The following DIS3 variants were observed in gnomAD, a reference collection of about 807,000 sequenced individuals.
The protein encoded by DIS3 is DIS3 exosome endoribonuclease and 3'-5' exoribonuclease, also known as exosome complex exonuclease RRP44.
In DIS3, 103 loss-of-function variants were observed where a neutral mutation model predicts 113.0. That is an observed-to-expected ratio of 0.91 (90% confidence interval 0.78 to 1.07). The LOEUF is 1.07. Ranked by LOEUF, DIS3 falls within the 50% of genes least tolerant of loss-of-function variation. DIS3 has a pLI of 0.00. For synonymous variants in DIS3, 402 were observed against 394.3 expected (o/e 1.02, Z -0.23); for missense variants, 1,121 against 1,167.1 (o/e 0.96, Z 0.58).
Position 72,766,052 on chromosome 13 carries a change from C to A in DIS3, c.1890G>T (p.Leu630Phe). 3 of 1,602,756 alleles carry A rather than the reference C, an allele frequency of 1.9e-6. No homozygotes were observed. The South Asian group carries it at 3.4e-5, about 18-fold the overall frequency. The change falls in exon 15 of 21, where the codon TTG (leucine) becomes TTT (phenylalanine). Residue 630 changes from leucine to phenylalanine, a missense_variant. Physicochemically the swap from Leu to Phe is conservative, Grantham distance 22 (BLOSUM62 0). This residue lies in a region of DIS3 where 861 missense variants were observed against 915.5 expected (regional missense o/e 0.94). Coordinates refer to ENST00000377767, the MANE Select transcript of DIS3 (RefSeq NM_014953.5). The part of the protein sequence containing the change: ...LKKRRIEKGA[L>F]TLSSPEVRFH... ...ATCGAACTTCAGGAGAGGATAGAGT[C>A]AAAGCCCTACATAAAAATTAAAGAG...
Position 72,766,015 on chromosome 13 carries a change from T to A in DIS3, c.1927A>T (p.Ser643Cys), listed in dbSNP as rs145504256. ...AGATCTATAGGATCGTGAGTTTCAC[T>A]GTCCATGTGGAATCGAACTTCAGGA... Reference protein sequence around the residue: ...SSPEVRFHMDSETHDPIDLQT... With the variant: ...SSPEVRFHMDCETHDPIDLQT... Residue 643 changes from serine (S) to cysteine (C), a missense_variant, in exon 15 of 21, where the codon AGT becomes TGT. This residue lies in a region of DIS3 where 861 missense variants were observed against 915.5 expected (regional missense o/e 0.94). Coordinates refer to ENST00000377767, the MANE Select transcript of DIS3 (RefSeq NM_014953.5). 5 of 1,611,962 alleles carry A rather than the reference T, an allele frequency of 3.1e-6. No homozygotes were observed. The African/African-American group carries it at 6.7e-5, about 22-fold the overall frequency.
At chr13:72,778,062 TCA>T (rs2034062338) in intron 3 of DIS3, 123 bp downstream of exon 3, 1 of 860,104 alleles carries the variant, frequency 1.2e-6, no homozygotes, top group South Asian at 3.4e-5. Context: ...TACAAAAATA[TCA>T]CATGAAGTTA....
Position 72,777,440 on chromosome 13 carries a change from C to A in DIS3, c.634G>T (p.Ala212Ser), listed in dbSNP as rs757502879. Residue 212 changes from alanine to serine, a missense_variant, in exon 4 of 21, where the codon GCT becomes TCT. Physicochemically the swap from Ala to Ser is moderately conservative, Grantham distance 99. Transcript: ENST00000377767. Reference protein sequence around the residue: ...TANPELIDRLACLSEEGNEIE... With the variant: ...TANPELIDRLSCLSEEGNEIE... ...CATACCCCTTCTTCAGACAAACAAG[C>A]AAGACGATCTATGAGTTCGGGGTTA... The A allele has an allele frequency of 3.7e-6, 6 of 1,614,074 alleles. No homozygotes were observed. The highest frequency in any genetic ancestry group is 1.6e-4 in the Middle Eastern group (1 of 6,062).
intron 2 of DIS3, 123 bp downstream of exon 2, chr13:72,780,723 A>G: frequency 1.0e-6 from 1 of 973,052 alleles, no homozygotes; most frequent in Non-Finnish European, 1.5e-6. Flanking sequence ...CCATGTAAGA[A>G]TTAAATAAGG....
At chr13:72,777,975 G>T (rs529335400) in intron 3 of DIS3, among the ~76,000 whole-genome samples, 4 of 152,268 alleles carry the variant, frequency 2.6e-5, no homozygotes, top group Admixed American at 2.6e-4. Context: ...TGCTAAACCA[G>T]TTGCAAATAG....
intron 5 of DIS3, 28 bp downstream of exon 5, chr13:72,775,897 T>C (rs371774933): frequency 1.3e-6 from 2 of 1,531,666 alleles, no homozygotes; most frequent in African/African-American, 2.8e-5. Flanking sequence ...TTTATTTTAG[T>C]GTATAAGGAA....
At chr13:72,780,628 A>G (rs1034673365) in intron 2 of DIS3, among the ~76,000 whole-genome samples, 2 of 152,166 alleles carry the variant, frequency 1.3e-5, no homozygotes, top group Non-Finnish European at 2.9e-5. Context: ...GTAGTCTAGG[A>G]GTCAGCAGAC....
At chr13:72,775,858 TAA>T in intron 5 of DIS3, 65 bp downstream of exon 5, 1 of 1,283,426 alleles carries the variant, frequency 7.8e-7, no homozygotes, top group Non-Finnish European at 1.1e-6. Context: ...TATTTACCAT[TAA>T]GTGTTCATAA....
chr13:72,775,681 A>G (rs182940749), intron 5 of DIS3, among the ~76,000 whole-genome samples: 1 of 152,286 alleles, frequency 6.6e-6, no homozygotes, highest in African/African-American at 2.4e-5. Flanking sequence ...GATTGGTCAA[A>G]TAAGAGTACA....
At chr13:72,777,905 C>G (rs150188418) in intron 3 of DIS3, among the ~76,000 whole-genome samples, 2 of 152,246 alleles carry the variant, frequency 1.3e-5, no homozygotes, top group East Asian at 3.9e-4. Flanking sequence ...ACCCAAAAAT[C>G]TGTTGATGTG....
intron 11 of DIS3, 74 bp from the exon 12 acceptor site, chr13:72,771,219 T>C: frequency 8.6e-7 from 1 of 1,160,366 alleles, no homozygotes; most frequent in Non-Finnish European, 1.3e-6. Flanking sequence ...TATTCTCAAA[T>C]AACATTAATT....
chr13:72,775,986 C>A lies in DIS3; in HGVS notation c.761G>T (p.Ser254Ile). The A allele has an allele frequency of 1.2e-6, 2 of 1,611,506 alleles. No homozygotes were observed. Among genetic ancestry groups the A allele is most frequent in the South Asian group, 2.2e-5 (2 of 90,346 alleles). ...TGTAGCTTCCAAGTAATTTTCCCTGCTAGCTCTAAATGTTCCTTGAAGGTA... is the reference window on the plus strand; with the variant it reads ...TGTAGCTTCCAAGTAATTTTCCCTGATAGCTCTAAATGTTCCTTGAAGGTA... The part of the protein sequence containing the change: ...GTYLQGTFRA[S>I]RENYLEATVW... Residue 254 changes from serine to isoleucine, a missense_variant, in exon 5 of 21, where the codon AGC becomes ATC. Coordinates refer to ENST00000377767, the MANE Select transcript of DIS3 (RefSeq NM_014953.5).
At chr13:72,764,769 TAGAA>T (rs1466078010) in intron 15 of DIS3, among the ~76,000 whole-genome samples, 1 of 152,194 alleles carries the variant, frequency 6.6e-6, no homozygotes, top group Non-Finnish European at 1.5e-5. Flanking sequence ...TTAAAAATAT[TAGAA>T]AGACCTCCAA....
chr13:72,760,461 G>A (rs761265345), intron 20 of DIS3, 68 bp downstream of exon 20: 25 of 1,588,360 alleles, frequency 1.6e-5, no homozygotes, highest in Middle Eastern at 1.7e-4. Flanking sequence ...AAATAACTAC[G>A]TCCCTTCTTT....
chr13:72,781,399 T>C, intron 1 of DIS3: 1 of 1,538,710 alleles, frequency 6.5e-7, no homozygotes. Flanking sequence ...ATAACGTGTC[T>C]GAACTACGAC....
Position 72,780,929 on chromosome 13 carries a change from G to T in DIS3, c.303C>A (p.Arg101=). 3 of 1,613,278 alleles carry T rather than the reference G, an allele frequency of 1.9e-6. No individual in the cohort carries two copies. The highest frequency in any genetic ancestry group is 2.5e-6 in the Non-Finnish European group (3 of 1,179,816). ...LQTVLQEVRN[R]SAPVYKRIRD... is the part of the protein sequence containing the mutation. ...GGATGCGTTTATATACGGGGGCACT[G>T]CGATTTCTCACTTCTTGAAGAACTG... The change falls in exon 2 of 21, where the codon CGC becomes CGA. Residue 101 remains arginine, a synonymous_variant. Coordinates refer to ENST00000377767, the MANE Select transcript of DIS3 (RefSeq NM_014953.5).
At position 72,763,563 on chromosome 13, in the gene DIS3, A is replaced by C; in HGVS notation, c.2015T>G (p.Ile672Ser). ...CTCATGAATTTTTTTTGCAACAGAA[A>C]TATTGGCAAGTAACATAAATTCTTC... ...MVEEFMLLAN[I>S]SVAKKIHEEF... The change falls in exon 16 of 21, where the codon ATT becomes AGT. Residue 672 changes from isoleucine (I) to serine (S), a missense_variant. Ile to Ser is a moderately radical substitution (Grantham distance 142). This residue lies in a region of DIS3 where 861 missense variants were observed against 915.5 expected (regional missense o/e 0.94). Coordinates refer to ENST00000377767, the MANE Select transcript of DIS3 (RefSeq NM_014953.5). 6.2e-7 allele frequency: 1 copy of C among 1,613,834 alleles called. No homozygotes were observed. The highest frequency in any genetic ancestry group is 8.5e-7 in the Non-Finnish European group (1 of 1,179,960).
Position 72,781,616 on chromosome 13 carries a change from A to C in DIS3, c.217T>G (p.Leu73Val). The C allele has an allele frequency of 6.6e-7, 1 of 1,524,726 alleles. No individual in the cohort carries two copies. Among genetic ancestry groups the C allele is most frequent in the Non-Finnish European group, 8.8e-7 (1 of 1,132,206 alleles). 94.4% of individuals were successfully genotyped at this position (1,524,726 alleles called of 1,614,324 possible). ...PHYLLPDTNV[L>V]LHQIDVLEDP... ...GCCCGCCCACGCACCTGGTGCAGTA[A>C]CACATTAGTGTCGGGCAGCAAGTAG... The change falls in exon 1 of 21, where the codon TTA (leucine) becomes GTA (valine). Residue 73 changes from leucine to valine, a missense_variant. Physicochemically the swap from Leu to Val is conservative, Grantham distance 32. Around this residue, in one of 3 missense-constraint regions of DIS3, gnomAD observed 254 missense variants for 232.2 expected, o/e 1.09. Transcript: ENST00000377767.
rs2033390410 is a variant in DIS3, at chr13:72,754,520, T to C, written c.*5275A>G. On this transcript the variant is annotated 3_prime_UTR_variant, in exon 21 of 21. Transcript: ENST00000377767. ...AAAATACTATAAATATCAGCAAATG[T>C]GCAACAAATGTTTAATAGGGAGGCC... 1 of 152,002 alleles carries C rather than the reference T, an allele frequency of 6.6e-6. No homozygotes were observed. The highest frequency in any genetic ancestry group is 2.4e-5 in the African/African-American group (1 of 41,338). 9.4% of individuals were successfully genotyped at this position (152,002 alleles called of 1,614,324 possible).
Sources: gnomAD v4.1 joint callset for allele counts (sites outside exome capture counted in the v4.1 genomes callset) on GRCh38, gnomAD v4.1.1 for gene constraint, gnomAD v4.1.1 regional missense constraint, MANE v1.5 for transcripts, NCBI Gene and HGNC (gene_info 2026-07-23, HGNC 2026-07-21) for gene names.